Variants in LDHC observed in about 807,000 individuals in gnomAD.
The protein encoded by LDHC is lactate dehydrogenase C, also known as L-lactate dehydrogenase C chain.
A neutral mutation model predicts 30.2 loss-of-function variants in LDHC; 20 were observed. The observed-to-expected ratio is 0.66, with a 90% CI of 0.47 to 0.96. The LOEUF (loss-of-function observed/expected upper bound fraction) is 0.96. Ranked by LOEUF, LDHC falls within the 40% of genes least tolerant of loss-of-function variation. The pLI is 0.00. For synonymous variants in LDHC, 139 were observed against 132.7 expected (o/e 1.05, Z -0.32); for missense variants, 362 against 394.9 (o/e 0.92, Z 0.71).
chr11:18,449,134 A>C (rs1033768353), intron 7 of LDHC, among the ~76,000 whole-genome samples: 12 of 152,148 alleles, frequency 7.9e-5, no homozygotes, highest in African/African-American at 2.9e-4. Context: ...CCCTGCCACC[A>C]TCAGAGGCCT....
chr11:18,438,278 C>A (rs1848393520), intron 5 of LDHC, among the ~76,000 whole-genome samples: 1 of 152,098 alleles, frequency 6.6e-6, no homozygotes, highest in African/African-American at 2.4e-5. Context: ...ACAACCAGAT[C>A]TCACATGAAC....
rs536795954 is a variant in LDHC at position 18,431,902 on chromosome 11, G to C, written c.418+1992G>C. On this transcript the variant is annotated intron_variant, in intron 4 of 7. Transcript: ENST00000541669. ...GCTAATAGTCTATCAATTTTATTTA[G>C]CTTTTCAAAGAACCAGCTTTTTGTT... 1.3e-5 allele frequency among the ~76,000 whole-genome samples: 2 copies of C among 152,102 alleles called. 1 individual carries two copies. Among genetic ancestry groups the C allele is most frequent in the South Asian group, 4.2e-4 (2 of 4,818 alleles).
chr11:18,448,618 C>T (rs118178161), intron 7 of LDHC, among the ~76,000 whole-genome samples: 3,245 of 152,232 alleles, frequency 0.021, 75 homozygotes, highest in Non-Finnish European at 0.026. Flanking sequence ...AAACATTTGA[C>T]GTTACAAGCA....
intron 3 of LDHC, among the ~76,000 whole-genome samples, chr11:18,420,804 TGAA>T (rs1474979443): frequency 6.6e-6 from 1 of 151,792 alleles, no homozygotes; most frequent in East Asian, 1.9e-4. Context: ...AGACAAAAAA[TGAA>T]GGACAGAGAA....
intron 4 of LDHC, among the ~76,000 whole-genome samples, chr11:18,431,460 C>G (rs1183873337): frequency 6.6e-6 from 1 of 152,004 alleles, no homozygotes; most frequent in Non-Finnish European, 1.5e-5. Flanking sequence ...GAAACTCTGT[C>G]TCAAAAAATA....
At chr11:18,447,768 G>C (rs566554281) in intron 7 of LDHC, among the ~76,000 whole-genome samples, 2 of 152,152 alleles carry the variant, frequency 1.3e-5, no homozygotes, top group East Asian at 3.9e-4. Context: ...TGGAAGAACG[G>C]GGCAGGTGCA....
At chr11:18,416,057 T>C (rs1223673128) in intron 3 of LDHC, among the ~76,000 whole-genome samples, 1 of 151,978 alleles carries the variant, frequency 6.6e-6, no homozygotes, top group African/African-American at 2.4e-5. Context: ...TTGGAGCATA[T>C]TTGGAAAACA....
chr11:18,429,539 A>G lies in LDHC; in HGVS notation c.245-198A>G, dbSNP rs182918180. On this transcript the variant is annotated intron_variant, in intron 3 of 7. Coordinates refer to ENST00000541669, the MANE Select transcript of LDHC (RefSeq NM_017448.5). ...TAAAAATTTTTGAGGTAGCTATGTG[A>G]AATTTGGCAAGTCATAGTGACAAGG... Among the ~76,000 whole-genome samples the G allele has an allele frequency of 3.1e-3, 479 of 152,288 alleles. 5 individuals carry two copies. Among genetic ancestry groups the G allele is most frequent in the African/African-American group, 0.011 (463 of 41,554 alleles).
intron 2 of LDHC, among the ~76,000 whole-genome samples, chr11:18,414,191 C>T (rs940824866): frequency 5.3e-5 from 8 of 152,202 alleles, no homozygotes; most frequent in Non-Finnish European, 1.2e-4. Flanking sequence ...AATCTTCCGT[C>T]TTCCATTTTC....
At chr11:18,416,505 C>CAGTTA (rs1446630949) in intron 3 of LDHC, among the ~76,000 whole-genome samples, 15 of 152,286 alleles carry the variant, frequency 9.8e-5, no homozygotes, top group African/African-American at 3.6e-4. Flanking sequence ...AGATTGAAGG[C>CAGTTA]AGTTACCTAA....
chr11:18,442,660 C>CTTTTTTTT (rs34884188), intron 6 of LDHC, among the ~76,000 whole-genome samples: 1 of 112,626 alleles, frequency 8.9e-6, no homozygotes, highest in African/African-American at 3.3e-5. Context: ...TTCTCTCTCT[C>CTTTTTTTT]TTTTTTTTTT....
At chr11:18,429,116 C>CTTTTTT (rs36038254) in intron 3 of LDHC, among the ~76,000 whole-genome samples, 24 of 93,914 alleles carry the variant, frequency 2.6e-4, no homozygotes, top group Non-Finnish European at 3.7e-4. Context: ...TCATTTTGGT[C>CTTTTTT]TTTTTTTTTT....
intron 2 of LDHC, among the ~76,000 whole-genome samples, chr11:18,414,654 C>A (rs552521241): frequency 6.6e-6 from 1 of 152,016 alleles, no homozygotes; most frequent in Non-Finnish European, 1.5e-5. Context: ...ATGGTGAAAC[C>A]CCGTCTGTAC....
At chr11:18,444,603 G>GATATATATATATATATATATATATAT (rs1565057770) in intron 6 of LDHC, among the ~76,000 whole-genome samples, 1 of 75,594 alleles carries the variant, frequency 1.3e-5, no homozygotes, top group Admixed American at 1.7e-4. Context: ...GTGTTCAGGT[G>GATATATATATATATATATATATATAT]GTATATATAT....
At chr11:18,419,221 A>ATG (rs1161972094) in intron 3 of LDHC, among the ~76,000 whole-genome samples, 3 of 152,192 alleles carry the variant, frequency 2.0e-5, no homozygotes, top group Non-Finnish European at 4.4e-5. Context: ...AAAGGAAGCC[A>ATG]CAGACAATAA....
chr11:18,442,117 G>A (rs1848477382), intron 6 of LDHC, among the ~76,000 whole-genome samples: 2 of 151,792 alleles, frequency 1.3e-5, no homozygotes, highest in Admixed American at 1.3e-4. Flanking sequence ...AGTTCTTAAT[G>A]CACTTCCTGT....
chr11:18,418,313 C>G (rs1004386040), intron 3 of LDHC, among the ~76,000 whole-genome samples: 1 of 148,286 alleles, frequency 6.7e-6, no homozygotes, highest in Non-Finnish European at 1.5e-5. Context: ...CATAGACATA[C>G]TAGATAGTAG....
intron 6 of LDHC, 108 bp downstream of exon 6, chr11:18,438,753 T>C (rs74663287): frequency 0.13 from 77,969 of 594,662 alleles, 5,824 homozygotes; most frequent in African/African-American, 0.22. Flanking sequence ...GATAAATAAC[T>C]CTAGGCTCCT....
intron 3 of LDHC, among the ~76,000 whole-genome samples, chr11:18,425,203 G>A: frequency 6.6e-6 from 1 of 151,642 alleles, no homozygotes; most frequent in South Asian, 2.1e-4. Flanking sequence ...TTGAAAAAGG[G>A]TCTTGCTTTG....
Sources: gnomAD v4.1 joint callset for allele counts (sites outside exome capture counted in the v4.1 genomes callset) on GRCh38, gnomAD v4.1.1 for gene constraint, MANE v1.5 for transcripts, NCBI Gene and HGNC (gene_info 2026-07-23, HGNC 2026-07-21) for gene names.